CIMAP2: variants seen among roughly 807,000 people sequenced by gnomAD.
CIMAP2 encodes ciliary microtubule-associated protein 2.
the CIMAP2 span, among the ~76,000 whole-genome samples, chr1:54,819,255 C>G: frequency 5.3e-5 from 8 of 152,274 alleles, no homozygotes; most frequent in Admixed American, 2.6e-4. Context: ...CCTCCTACCC[C>G]CTCTCTTCTC....
chr1:54,819,255 C>T, the CIMAP2 span, among the ~76,000 whole-genome samples: 4 of 152,156 alleles, frequency 2.6e-5, no homozygotes, highest in East Asian at 1.9e-4. Context: ...CCTCCTACCC[C>T]CTCTCTTCTC....
the CIMAP2 span, among the ~76,000 whole-genome samples, chr1:54,832,133 C>G: frequency 2.0e-5 from 3 of 152,342 alleles, no homozygotes; most frequent in Middle Eastern, 3.4e-3. Flanking sequence ...GCATGAACCA[C>G]CATGCCCAGC....
the CIMAP2 span, among the ~76,000 whole-genome samples, chr1:54,834,089 C>G: frequency 2.0e-5 from 3 of 152,198 alleles, no homozygotes; most frequent in African/African-American, 7.2e-5. Context: ...CTGCCTGCCT[C>G]AGCCTCCCAA....
At chr1:54,837,930 T>C in the CIMAP2 span, among the ~76,000 whole-genome samples, 4 of 152,068 alleles carry the variant, frequency 2.6e-5, no homozygotes, top group East Asian at 1.9e-4. Context: ...TGGATACCTA[T>C]GTTTAAGGCT....
At chr1:54,806,381 G>A in the CIMAP2 span, among the ~76,000 whole-genome samples, 2 of 152,178 alleles carry the variant, frequency 1.3e-5, no homozygotes, top group African/African-American at 4.8e-5. Flanking sequence ...AGTGAGGAGG[G>A]GCTGGGCTTT....
the CIMAP2 span, among the ~76,000 whole-genome samples, chr1:54,810,130 A>G: frequency 6.6e-6 from 1 of 152,154 alleles, no homozygotes; most frequent in South Asian, 2.1e-4. Context: ...GAGCAGGGCC[A>G]TTCTCACCCT....
the CIMAP2 span, chr1:54,807,946 G>T: frequency 6.2e-7 from 1 of 1,609,884 alleles, no homozygotes; most frequent in African/African-American, 1.3e-5. Context: ...ACAGCTGCGG[G>T]AGAAACCATG....
the CIMAP2 span, chr1:54,811,904 C>T: frequency 6.2e-7 from 1 of 1,613,972 alleles, no homozygotes; most frequent in Non-Finnish European, 8.5e-7. Context: ...GCAGGATGAG[C>T]AACAAGCCAC....
At chr1:54,836,263 T>A in the CIMAP2 span, among the ~76,000 whole-genome samples, 3 of 150,112 alleles carry the variant, frequency 2.0e-5, no homozygotes, top group South Asian at 6.3e-4. Flanking sequence ...CCCTTCGCCC[T>A]CCCGCCTGCC....
At chr1:54,807,490 C>T in the CIMAP2 span, 18 of 1,461,930 alleles carry the variant, frequency 1.2e-5, 1 homozygote, top group Admixed American at 8.1e-5. Context: ...ACTGGGCGGG[C>T]GTGGCTGTCA....
the CIMAP2 span, among the ~76,000 whole-genome samples, chr1:54,829,795 A>G: frequency 6.6e-6 from 1 of 152,234 alleles, no homozygotes; most frequent in African/African-American, 2.4e-5. Flanking sequence ...AGATATTAAG[A>G]CAAATATCTT....
chr1:54,837,315 A>G, the CIMAP2 span, among the ~76,000 whole-genome samples: 8 of 152,088 alleles, frequency 5.3e-5, no homozygotes, highest in African/African-American at 1.9e-4. Flanking sequence ...TCACCCTGAC[A>G]TGGCCCGTTT....
chr1:54,810,191 C>A, the CIMAP2 span, among the ~76,000 whole-genome samples: 3 of 152,296 alleles, frequency 2.0e-5, no homozygotes, highest in African/African-American at 7.2e-5. Context: ...TGCTCACTGC[C>A]AACCCACCCC....
chr1:54,841,903 C>G, the CIMAP2 span: 1 of 1,544,488 alleles, frequency 6.5e-7, no homozygotes, highest in Admixed American at 2.0e-5. Context: ...CCTGCAGTGA[C>G]CAGAGAGCCC....
At chr1:54,815,018 C>A in the CIMAP2 span, 4 of 1,614,104 alleles carry the variant, frequency 2.5e-6, no homozygotes, top group South Asian at 4.4e-5. Flanking sequence ...CAAAGGCCTG[C>A]CAGATGATTA....
the CIMAP2 span, chr1:54,811,767 C>CGCGGGGGG: frequency 9.2e-7 from 1 of 1,088,170 alleles, no homozygotes; most frequent in Non-Finnish European, 1.4e-6. Flanking sequence ...TTCTGACAGC[C>CGCGGGGGG]TCCATGCCCC....
chr1:54,806,254 C>T, the CIMAP2 span: 7 of 1,464,452 alleles, frequency 4.8e-6, no homozygotes, highest in Admixed American at 2.6e-5. Flanking sequence ...CTCACGCCCA[C>T]GGTCCAAAGC....
the CIMAP2 span, among the ~76,000 whole-genome samples, chr1:54,833,484 C>T: frequency 9.2e-5 from 14 of 152,194 alleles, no homozygotes; most frequent in Non-Finnish European, 1.3e-4. Context: ...GCTAATCTTT[C>T]TCACCCCTCA....
At chr1:54,817,601 A>G in the CIMAP2 span, among the ~76,000 whole-genome samples, 93 of 152,344 alleles carry the variant, frequency 6.1e-4, 1 homozygote, top group Non-Finnish European at 1.2e-3. Context: ...GTGGCAAACT[A>G]TACAACAGCT....
Sources: gnomAD v4.1 joint callset for allele counts (sites outside exome capture counted in the v4.1 genomes callset) on GRCh38, gnomAD v4.1.1 for gene constraint, MANE v1.5 for transcripts, NCBI Gene and HGNC (gene_info 2026-07-23, HGNC 2026-07-21) for gene names.